Variants in PHTF1 observed in about 807,000 individuals in gnomAD.
PHTF1 encodes protein PHTF1.
A neutral mutation model predicts 102.4 loss-of-function variants in PHTF1; 88 were observed. The observed-to-expected ratio is 0.86, with a 90% CI of 0.72 to 1.03. The LOEUF is 1.03. PHTF1 is among the 50% of genes least tolerant of loss of function. PHTF1 has a pLI of 0.00. For missense variants in PHTF1, 814 were observed against 909.5 expected, an observed-to-expected ratio of 0.89 and a Z score of 1.35; for synonymous variants, 289 against 305.2, an observed-to-expected ratio of 0.95 and a Z score of 0.55.
intron 7 of PHTF1, among the ~76,000 whole-genome samples, chr1:113,723,735 A>G (rs1392793197): frequency 1.3e-5 from 2 of 152,194 alleles, no homozygotes. Flanking sequence ...CTTAAGTAAT[A>G]CTCCACAAGC....
chr1:113,719,202 C>T (rs1365825183), intron 7 of PHTF1, among the ~76,000 whole-genome samples: 1 of 151,968 alleles, frequency 6.6e-6, no homozygotes, highest in Non-Finnish European at 1.5e-5. Context: ...GGGGTTTCAC[C>T]ATGTTGGCCA....
At chr1:113,703,922 C>A in intron 15 of PHTF1, 159 bp downstream of exon 15, 1 of 517,542 alleles carries the variant, frequency 1.9e-6, no homozygotes, top group Non-Finnish European at 3.5e-6. Flanking sequence ...CTTGTATTCC[C>A]ATTTTGAAAA....
chr1:113,737,393 A>G (rs1291707720), intron 5 of PHTF1, among the ~76,000 whole-genome samples: 1 of 152,240 alleles, frequency 6.6e-6, no homozygotes, highest in Non-Finnish European at 1.5e-5. Context: ...AATTAGATTT[A>G]TAAGTCTGAA....
intron 5 of PHTF1, among the ~76,000 whole-genome samples, chr1:113,730,230 G>A (rs1654437132): frequency 6.6e-6 from 1 of 150,886 alleles, no homozygotes; most frequent in African/African-American, 2.4e-5. Context: ...CCAACTCCAG[G>A]TAACAGTAAA....
chr1:113,717,261 C>G (rs187839623), intron 7 of PHTF1, among the ~76,000 whole-genome samples: 1 of 150,582 alleles, frequency 6.6e-6, no homozygotes, highest in Admixed American at 6.6e-5. Flanking sequence ...TTTAAAATAC[C>G]CCTAGAGAAA....
Position 113,706,049 on chromosome 1 carries a change from T to G in PHTF1, c.1512A>C (p.Gln504His). ...HRLFREKSLD[Q>H]LKSISAEEIL... The stretch of plus-strand genomic sequence containing the variant: ...TCTCCTCAGCTGAAATGGACTTTAG[T>G]TGGTCAAGGCTCTTCTCACGGAAAA... Residue 504 changes from glutamine (Q) to histidine (H), a missense_variant, in exon 13 of 19, where the codon CAA (glutamine) becomes CAC (histidine). Gln to His is a conservative substitution (Grantham distance 24). Transcript: ENST00000369604. 6.2e-7 allele frequency: 1 copy of G among 1,614,142 alleles called. No homozygotes were observed. The highest frequency in any genetic ancestry group is 1.6e-4 in the Middle Eastern group (1 of 6,062).
intron 3 of PHTF1, among the ~76,000 whole-genome samples, chr1:113,740,004 C>A (rs1656112892): frequency 6.6e-6 from 1 of 152,180 alleles, no homozygotes; most frequent in Non-Finnish European, 1.5e-5. Context: ...ACACTGAATT[C>A]CATGTCATGA....
chr1:113,717,481 T>C (rs1487507663), intron 7 of PHTF1, among the ~76,000 whole-genome samples: 1 of 152,036 alleles, frequency 6.6e-6, no homozygotes, highest in African/African-American at 2.4e-5. Context: ...AGAAACAAAC[T>C]TTATAAAAGA....
intron 5 of PHTF1, among the ~76,000 whole-genome samples, chr1:113,736,812 G>A (rs1204863763): frequency 8.5e-5 from 13 of 152,130 alleles, no homozygotes; most frequent in Admixed American, 7.2e-4. Context: ...CAGCCAGCAC[G>A]AGCAGAGTGG....
Position 113,697,519 on chromosome 1 carries a change from A to G in PHTF1, c.*186T>C, listed in dbSNP as rs1648926607. Reference sequence around the variant, plus strand: ...GAAAAGCATGAAAATACAGGTTTTTAGCATGCACACCCAGTTGGAAAAGGA... The same window carrying G: ...GAAAAGCATGAAAATACAGGTTTTTGGCATGCACACCCAGTTGGAAAAGGA... On this transcript the variant is annotated 3_prime_UTR_variant, in exon 19 of 19. Coordinates refer to ENST00000369604, the MANE Select transcript of PHTF1 (RefSeq NM_001323043.2). 1.8e-6 allele frequency: 1 copy of G among 544,200 alleles called. No homozygotes were observed. Among genetic ancestry groups the G allele is most frequent in the Non-Finnish European group, 3.4e-6 (1 of 297,516 alleles). The allele number at this position is 544,200 out of a possible 1,614,324, so 33.7% of individuals were successfully genotyped here.
intron 3 of PHTF1, among the ~76,000 whole-genome samples, chr1:113,745,847 T>G (rs890286035): frequency 6.6e-6 from 1 of 152,176 alleles, no homozygotes; most frequent in African/African-American, 2.4e-5. Context: ...TACCTTATGG[T>G]GAGCTGTACA....
At chr1:113,732,636 A>C (rs539673899) in intron 5 of PHTF1, among the ~76,000 whole-genome samples, 1 of 152,386 alleles carries the variant, frequency 6.6e-6, no homozygotes, top group Admixed American at 6.5e-5. Context: ...ACCATGGCAA[A>C]TACAAAAATT....
In PHTF1 at chr1:113,742,628, G is replaced by GA. The variant is rs891856400; in HGVS notation, c.103-3830dup. 5.2e-3 allele frequency among the ~76,000 whole-genome samples: 767 copies of GA among 146,122 alleles called. 4 individuals are homozygous for GA. The highest frequency in any genetic ancestry group is 0.018 in the African/African-American group (728 of 39,836). The stretch of plus-strand genomic sequence containing the variant: ...AAGAGTGAAACTCTGTCTCAATAAA[G>GA]AAAAAAAAAAGATAAAAAATGGTAC... On this transcript the variant is annotated intron_variant, in intron 3 of 18. Transcript: ENST00000369604.
Position 113,704,119 on chromosome 1 carries a change from G to A in PHTF1, c.1852C>T (p.Leu618=), listed in dbSNP as rs745913135. ...SVDVVVSSVF[L]LTLSIAFICC... is the part of the protein sequence containing the mutation. ...ATGAAAGCAATCGAAAGTGTCAGTA[G>A]GAAAACCGAGGATACAACCACATCA... Residue 618 remains leucine, a synonymous_variant, in exon 15 of 19, where the codon CTA becomes TTA. Coordinates refer to ENST00000369604, the MANE Select transcript of PHTF1 (RefSeq NM_001323043.2). The A allele has an allele frequency of 2.3e-5, 37 of 1,613,464 alleles. No individual in the cohort carries two copies. The highest frequency in any genetic ancestry group is 3.1e-5 in the Non-Finnish European group (37 of 1,179,570).
At chr1:113,708,403 A>G (rs1173349384) in intron 11 of PHTF1, among the ~76,000 whole-genome samples, 1 of 152,310 alleles carries the variant, frequency 6.6e-6, no homozygotes, top group East Asian at 1.9e-4. Context: ...AGGTGAGTGG[A>G]TCACTTGAGG....
At chr1:113,715,894 C>G (rs897623128) in intron 7 of PHTF1, among the ~76,000 whole-genome samples, 1 of 150,772 alleles carries the variant, frequency 6.6e-6, no homozygotes, top group East Asian at 1.9e-4. Context: ...AGCTTCAAGA[C>G]AGTATATTTA....
intron 3 of PHTF1, among the ~76,000 whole-genome samples, chr1:113,742,750 G>GA (rs1279613007): frequency 6.6e-6 from 1 of 152,154 alleles, no homozygotes; most frequent in Non-Finnish European, 1.5e-5. Context: ...GAAAGCCTAG[G>GA]ACACTGCTGT....
At chr1:113,740,158 T>C (rs998987532) in intron 3 of PHTF1, among the ~76,000 whole-genome samples, 17 of 152,242 alleles carry the variant, frequency 1.1e-4, no homozygotes, top group Non-Finnish European at 1.5e-5. Context: ...GAGACTGTTT[T>C]TCATAATGGC....
At chr1:113,733,789 A>G (rs1213082132) in intron 5 of PHTF1, among the ~76,000 whole-genome samples, 1 of 152,236 alleles carries the variant, frequency 6.6e-6, no homozygotes, top group South Asian at 2.1e-4. Context: ...CCCAAGTGGC[A>G]TAAGACAGAA....
Sources: gnomAD v4.1 joint callset for allele counts (sites outside exome capture counted in the v4.1 genomes callset) on GRCh38, gnomAD v4.1.1 for gene constraint, MANE v1.5 for transcripts, NCBI Gene and HGNC (gene_info 2026-07-23, HGNC 2026-07-21) for gene names.